The following COPS4 variants were observed in gnomAD, a reference collection of about 807,000 sequenced individuals.
COPS4 encodes COP9 signalosome complex subunit 4.
COPS4 carries 8 observed loss-of-function variants against 55.1 expected under a neutral mutation model. The observed-to-expected ratio is 0.15, with a 90% CI of 0.09 to 0.26. The LOEUF is 0.26. Among genes scored for constraint, COPS4 ranks in the 10% least tolerant of loss-of-function variants. The pLI is 1.00. For synonymous variants in COPS4, 185 were observed against 165.7 expected, an observed-to-expected ratio of 1.12 and a Z score of -0.90; for missense variants, 248 against 484.0, an observed-to-expected ratio of 0.51 and a Z score of 4.58.
At chr4:83,070,053 A>G (rs963428420) in intron 9 of COPS4, among the ~76,000 whole-genome samples, 2 of 152,122 alleles carry the variant, frequency 1.3e-5, no homozygotes, top group African/African-American at 4.8e-5. Flanking sequence ...CAACATATCA[A>G]ATAGTGTTGA....
intron 1 of COPS4, among the ~76,000 whole-genome samples, chr4:83,036,829 T>C (rs1390602712): frequency 1.3e-5 from 2 of 152,202 alleles, no homozygotes; most frequent in Non-Finnish European, 2.9e-5. Flanking sequence ...TTACTTTTTA[T>C]TTTGTTAAAG....
chr4:83,036,859 A>G (rs961933589), intron 1 of COPS4, among the ~76,000 whole-genome samples: 2 of 152,214 alleles, frequency 1.3e-5, no homozygotes, highest in Non-Finnish European at 2.9e-5. Flanking sequence ...TGCATTAGTT[A>G]TCAAAAGAAA....
rs144869404 is a variant in COPS4, at chr4:83,065,006, C to T, written c.887-1432C>T. 1.9e-3 allele frequency: 1,153 copies of T among 610,270 alleles called. 10 individuals carry two copies. Among genetic ancestry groups the T allele is most frequent in the African/African-American group, 0.017 (934 of 53,704 alleles). The allele number at this position is 610,270 out of a possible 1,614,324, so 37.8% of individuals were successfully genotyped here. A position where few individuals can be genotyped will look rare whatever the true frequency, so the allele number is the denominator to read the frequency against. ...GGGGATCCTTCTACCTCCACCTCCC[C>T]AGAAGCTTAGGCATGTGCCACCACA... On this transcript the variant is annotated intron_variant, in intron 7 of 9. Transcript: ENST00000264389.
At chr4:83,037,767 C>T (rs1000670196) in intron 1 of COPS4, among the ~76,000 whole-genome samples, 11 of 152,098 alleles carry the variant, frequency 7.2e-5, no homozygotes, top group Middle Eastern at 6.8e-3. Context: ...GTTTCTAAAA[C>T]ATCAATACTG....
At chr4:83,051,444 A>C (rs909041365) in intron 4 of COPS4, among the ~76,000 whole-genome samples, 2 of 152,174 alleles carry the variant, frequency 1.3e-5, no homozygotes, top group African/African-American at 4.8e-5. Context: ...AGGCTTATAC[A>C]GTACCACAGA....
chr4:83,052,053 G>A (rs1211940182), intron 4 of COPS4, among the ~76,000 whole-genome samples: 1 of 152,120 alleles, frequency 6.6e-6, no homozygotes, highest in Non-Finnish European at 1.5e-5. Flanking sequence ...TAGTGTAGAG[G>A]CCACTGATAA....
At position 83,035,228 on chromosome 4, in the gene COPS4, G is replaced by T. The variant is rs1402556773; in HGVS notation, c.4G>T (p.Ala2Ser). 5 of 1,567,880 alleles carry T rather than the reference G, an allele frequency of 3.2e-6. No homozygotes were observed. In the South Asian group the frequency reaches 5.6e-5, roughly 17 times the overall value. Reference protein sequence around the residue: MAAAVRQDLAQL... With the variant: MSAAVRQDLAQL... ...CCACCGCTGAGCTGGGAGAAAGATG[G>T]CGGCAGCCGTGCGACAGGATTTGGC... The change falls in exon 1 of 10, where the codon GCG (alanine) becomes TCG (serine). Residue 2 changes from alanine to serine, a missense_variant. Transcript: ENST00000264389.
chr4:83,071,005 T>C (rs1731415047), intron 9 of COPS4, among the ~76,000 whole-genome samples: 2 of 152,204 alleles, frequency 1.3e-5, no homozygotes, highest in African/African-American at 4.8e-5. Context: ...CCAGCCATCT[T>C]CTCTTTGTCC....
At chr4:83,058,880 G>A (rs1195436493) in intron 6 of COPS4, among the ~76,000 whole-genome samples, 3 of 152,110 alleles carry the variant, frequency 2.0e-5, no homozygotes, top group Non-Finnish European at 4.4e-5. Context: ...TTTGATAGAC[G>A]TTCCACATTG....
chr4:83,059,338 A>G (rs1731101461), intron 6 of COPS4, among the ~76,000 whole-genome samples: 1 of 152,110 alleles, frequency 6.6e-6, no homozygotes, highest in African/African-American at 2.4e-5. Flanking sequence ...CTCTGAAATT[A>G]TATGTAGTTG....
At chr4:83,053,660 G>A (rs1730943437) in intron 4 of COPS4, among the ~76,000 whole-genome samples, 1 of 151,934 alleles carries the variant, frequency 6.6e-6, no homozygotes, top group Non-Finnish European at 1.5e-5. Flanking sequence ...GGCCAACATG[G>A]TGAAACCTTG....
chr4:83,041,060 T>G (rs2126127533), intron 1 of COPS4, among the ~76,000 whole-genome samples: 1 of 151,322 alleles, frequency 6.6e-6, no homozygotes, highest in South Asian at 2.1e-4. Context: ...TTTTTTTTTT[T>G]GTTTTTTGTT....
intron 4 of COPS4, among the ~76,000 whole-genome samples, chr4:83,052,728 AG>A (rs1322865123): frequency 2.0e-5 from 3 of 152,128 alleles, no homozygotes; most frequent in Non-Finnish European, 4.4e-5. Context: ...TTGGGACTAC[AG>A]GTGCACACCA....
intron 9 of COPS4, among the ~76,000 whole-genome samples, chr4:83,071,941 A>T (rs899302837): frequency 6.6e-6 from 1 of 151,686 alleles, no homozygotes; most frequent in African/African-American, 2.4e-5. Context: ...TGATCTCATG[A>T]CCTCGTGATC....
chr4:83,072,608 T>C (rs1731464523), intron 9 of COPS4, among the ~76,000 whole-genome samples: 1 of 152,242 alleles, frequency 6.6e-6, no homozygotes, highest in Admixed American at 6.5e-5. Flanking sequence ...TTAATCCATC[T>C]ACAGTTCATT....
At chr4:83,042,850 C>T (rs1320414329) in intron 1 of COPS4, among the ~76,000 whole-genome samples, 2 of 151,972 alleles carry the variant, frequency 1.3e-5, no homozygotes, top group African/African-American at 4.8e-5. Context: ...AGCCATCTGA[C>T]TGCCTTGGCC....
intron 9 of COPS4, among the ~76,000 whole-genome samples, chr4:83,069,568 CTA>C (rs889302651): frequency 1.4e-4 from 22 of 152,162 alleles, no homozygotes; most frequent in Admixed American, 1.2e-3. Context: ...TTTGCAATGA[CTA>C]TTTCAGGTTT....
intron 4 of COPS4, among the ~76,000 whole-genome samples, chr4:83,051,059 G>A (rs1160559363): frequency 4.1e-5 from 6 of 146,982 alleles, no homozygotes; most frequent in African/African-American, 1.5e-4. Flanking sequence ...CCAGGAGTTC[G>A]AGAACCACTT....
chr4:83,073,053 C>T (rs1190495281), intron 9 of COPS4, among the ~76,000 whole-genome samples: 2 of 152,198 alleles, frequency 1.3e-5, no homozygotes, highest in Non-Finnish European at 2.9e-5. Context: ...CCTAACAGAA[C>T]AGTAGCCATT....
Sources: allele counts gnomAD v4.1 joint callset (sites outside exome capture counted in the v4.1 genomes callset), GRCh38; gene constraint gnomAD v4.1.1; transcripts MANE v1.5; gene names NCBI Gene and HGNC (gene_info 2026-07-23, HGNC 2026-07-21).